Variants in DGKH observed in about 807,000 individuals in gnomAD.
DGKH encodes DAG kinase eta.
Under a neutral mutation model 159.3 loss-of-function variants are expected in DGKH, and 90 were observed. The ratio of observed to expected loss-of-function variants is 0.57; its 90% CI spans 0.48 to 0.67. The LOEUF is 0.67. DGKH is among the 30% of genes least tolerant of loss of function. The probability of loss-of-function intolerance (pLI) is 0.00; values close to 1 mark genes in which losing one functional copy is unlikely to be tolerated. For synonymous variants in DGKH, 536 were observed against 553.8 expected (o/e 0.97, Z 0.45); for missense variants, 1,181 against 1,506.1 (o/e 0.78, Z 3.57).
rs66933711 is a variant in DGKH at position 42,225,772 on chromosome 13, C to CAA, written c.3574-3314_3574-3313dup. On this transcript the variant is annotated intron_variant, in intron 29 of 29. Coordinates refer to ENST00000337343, the MANE Select transcript of DGKH (RefSeq NM_178009.5). ...TGAGTGACAGATTGAGACTCTGTCT[C>CAA]AAAAAAAAAAAAAAGAATATGATAA... Among the ~76,000 whole-genome samples the CAA allele has an allele frequency of 5.1e-3, 613 of 120,318 alleles. 2 individuals carry two copies. The highest frequency in any genetic ancestry group is 0.014 in the African/African-American group (470 of 33,056). 78.9% of individuals were successfully genotyped at this position (120,318 alleles called of 152,430 possible). A position where few individuals can be genotyped will look rare whatever the true frequency, so the allele number is the denominator to read the frequency against.
chr13:42,246,740 C>T (rs7985318), downstream of DGKH, among the ~76,000 whole-genome samples: 591 of 152,256 alleles, frequency 3.9e-3, 5 homozygotes, highest in African/African-American at 0.013. Context: ...GCAGGCCTCC[C>T]GCGCACCCTA....
At chr13:42,134,595 C>T (rs1017316360) in intron 3 of DGKH, among the ~76,000 whole-genome samples, 3 of 152,106 alleles carry the variant, frequency 2.0e-5, no homozygotes, top group African/African-American at 7.2e-5. Context: ...ATGGGTTGGG[C>T]AGGGTGGCTC....
At chr13:42,220,422 A>G (rs1021893856) in intron 28 of DGKH, among the ~76,000 whole-genome samples, 1 of 152,200 alleles carries the variant, frequency 6.6e-6, no homozygotes, top group Non-Finnish European at 1.5e-5. Flanking sequence ...GTTTAAATGT[A>G]CAGGTATGCT....
Position 42,129,608 on chromosome 13 carries a change from G to A in DGKH, c.360G>A (p.Thr120=), listed in dbSNP as rs751454406. 15 of 1,612,510 alleles carry A rather than the reference G, an allele frequency of 9.3e-6. No individual in the cohort carries two copies. The Admixed American group carries it at 1.7e-4, about 18-fold the overall frequency. Residue 120 remains threonine (T), a synonymous_variant, in exon 3 of 30, where the codon ACG becomes ACA. Coordinates refer to ENST00000337343, the MANE Select transcript of DGKH (RefSeq NM_178009.5). ...ATGCTAGTGTAGCTGAAGCAAGCAC[G>A]AAAAATGCTAACAACAGCTTCACGG... The part of the protein sequence containing the change: ...LSDASVAEAS[T]KNANNSFTII...
intron 3 of DGKH, chr13:42,138,042 A>G: frequency 1.0e-6 from 1 of 980,540 alleles, no homozygotes; most frequent in Non-Finnish European, 1.2e-6. Context: ...AGCTCTTCCC[A>G]TTATTAGAAA....
At chr13:42,043,412 G>T (rs1009657577) in intron 1 of DGKH, among the ~76,000 whole-genome samples, 2 of 151,866 alleles carry the variant, frequency 1.3e-5, no homozygotes, top group Non-Finnish European at 2.9e-5. Context: ...GGAGTGCAGT[G>T]GTATGATCGT....
rs1881849969 is a variant in DGKH at position 42,057,480 on chromosome 13, A to G, written c.192+8515A>G. Among the ~76,000 whole-genome samples, 4 of 152,266 alleles carry G rather than the reference A, an allele frequency of 2.6e-5. No homozygotes were observed. The South Asian group carries it at 8.3e-4, about 32-fold the overall frequency. On this transcript the variant is annotated intron_variant, in intron 1 of 29. Transcript: ENST00000337343. The stretch of plus-strand genomic sequence containing the variant: ...ATTATGTGATATTATAATATTTGAT[A>G]TTTATAAGAATATATAATATCTCTG...
At chr13:42,171,546 G>C (rs1566155685) in intron 11 of DGKH, among the ~76,000 whole-genome samples, 1 of 152,192 alleles carries the variant, frequency 6.6e-6, no homozygotes, top group Non-Finnish European at 1.5e-5. Flanking sequence ...CATTTGGATG[G>C]ATTTATTTAC....
At chr13:42,166,774 C>T in intron 9 of DGKH, 100 bp downstream of exon 9, 1 of 1,030,532 alleles carries the variant, frequency 9.7e-7, no homozygotes, top group Non-Finnish European at 1.3e-6. Flanking sequence ...TCCTCTAGAT[C>T]CCTCCCTCGT....
Position 42,193,530 on chromosome 13 carries a change from GAT to G in DGKH, c.2036-1354_2036-1353del, listed in dbSNP as rs555159088. On this transcript the variant is annotated intron_variant, in intron 16 of 29. Transcript: ENST00000337343. ...ATCATGTAATAATTCATATGTCTGA[GAT>G]GTGAGAAATACCGTATATTAATATG... Among the ~76,000 whole-genome samples, 238 of 152,284 alleles carry G rather than the reference GAT, an allele frequency of 1.6e-3. 1 individual carries two copies. The highest frequency in any genetic ancestry group is 5.4e-3 in the African/African-American group (226 of 41,560).
Position 42,236,889 on chromosome 13 carries a change from C to T in DGKH, c.*7701C>T, listed in dbSNP as rs71429411. On this transcript the variant is annotated 3_prime_UTR_variant, in exon 30 of 30. Coordinates refer to ENST00000337343, the MANE Select transcript of DGKH (RefSeq NM_178009.5). The stretch of plus-strand genomic sequence containing the variant: ...CTGCACTCCAGCCTGGGCGACAGAG[C>T]GAGACTCTGTCTCAGGGGGAAAAAA... 21,209 of 151,964 alleles carry T rather than the reference C, an allele frequency of 0.14. 1,794 individuals carry two copies. Among genetic ancestry groups the T allele is most frequent in the Non-Finnish European group, 0.18 (12,574 of 67,982 alleles). The allele number at this position is 151,964 out of a possible 1,614,324, so 9.4% of individuals were successfully genotyped here.
chr13:42,155,472 A>G, intron 4 of DGKH, 77 bp downstream of exon 4: 1 of 1,500,302 alleles, frequency 6.7e-7, no homozygotes, highest in Non-Finnish European at 9.2e-7. Context: ...TCTACCGTGC[A>G]AACATAAGTA....
intron 1 of DGKH, among the ~76,000 whole-genome samples, chr13:42,052,817 A>G (rs1332757198): frequency 6.6e-6 from 1 of 152,228 alleles, no homozygotes; most frequent in Non-Finnish European, 1.5e-5. Flanking sequence ...AACAGTATAA[A>G]CAAATGGGAA....
At chr13:42,067,165 C>T (rs1027053938) in intron 1 of DGKH, among the ~76,000 whole-genome samples, 1 of 152,084 alleles carries the variant, frequency 6.6e-6, no homozygotes, top group Admixed American at 6.5e-5. Flanking sequence ...ATCTGTTAAT[C>T]TAGAGTTGTA....
At chr13:42,210,816 A>G in intron 24 of DGKH, 51 bp downstream of exon 24, 2 of 1,559,640 alleles carry the variant, frequency 1.3e-6, no homozygotes, top group Non-Finnish European at 1.7e-6. Flanking sequence ...GTCTCAGCCA[A>G]TTTTTGTTTT....
intron 28 of DGKH, 140 bp from the exon 29 acceptor site, chr13:42,221,124 T>G: frequency 9.0e-7 from 1 of 1,114,698 alleles, no homozygotes; most frequent in Non-Finnish European, 1.3e-6. Flanking sequence ...GAACTATGGT[T>G]TTGTTGAAAC....
At chr13:42,213,910 C>T (rs1957726454) in intron 24 of DGKH, among the ~76,000 whole-genome samples, 1 of 152,164 alleles carries the variant, frequency 6.6e-6, no homozygotes, top group South Asian at 2.1e-4. Flanking sequence ...TGGAGTATGG[C>T]ACAACAGGCT....
upstream of DGKH, among the ~76,000 whole-genome samples, chr13:42,048,352 G>A (rs571213586): frequency 2.7e-4 from 41 of 152,132 alleles, 1 homozygote; most frequent in South Asian, 8.3e-3. This position sits in a 1 kb window ranked among gnomAD's most constrained non-coding sequence, Gnocchi z 6.7. Context: ...TGCGGGCATC[G>A]CCACTACGGG....
chr13:42,079,770 A>G (rs1954166312), intron 1 of DGKH, among the ~76,000 whole-genome samples: 1 of 152,124 alleles, frequency 6.6e-6, no homozygotes, highest in Non-Finnish European at 1.5e-5. Flanking sequence ...TGCATTCAGC[A>G]CTCACCATAA....
Sources: gnomAD v4.1 joint callset for allele counts (sites outside exome capture counted in the v4.1 genomes callset) on GRCh38, gnomAD v4.1.1 for gene constraint, Gnocchi (gnomAD v3.1) non-coding constraint, MANE v1.5 for transcripts, NCBI Gene and HGNC (gene_info 2026-07-23, HGNC 2026-07-21) for gene names.